SLC7A7: variants seen among roughly 807,000 people sequenced by gnomAD.
SLC7A7 encodes the protein Y+L amino acid transporter 1.
A neutral mutation model predicts 47.9 loss-of-function variants in SLC7A7; 39 were observed. That is an observed-to-expected ratio of 0.81 (90% CI 0.63 to 1.06). The LOEUF is 1.06. SLC7A7 is among the 50% of genes least tolerant of loss of function. SLC7A7 has a pLI of 0.00. For synonymous variants in SLC7A7, 234 were observed against 242.8 expected (o/e 0.96, Z 0.34); for missense variants, 588 against 632.0 (o/e 0.93, Z 0.75).
intron 2 of SLC7A7, among the ~76,000 whole-genome samples, chr14:22,800,436 C>T (rs2039092187): frequency 6.6e-6 from 1 of 152,172 alleles, no homozygotes; most frequent in Admixed American, 6.6e-5. Context: ...AATGCCTCTA[C>T]CTATAGAGTA....
intron 2 of SLC7A7, among the ~76,000 whole-genome samples, chr14:22,805,231 T>C (rs952372451): frequency 6.6e-6 from 1 of 152,032 alleles, no homozygotes; most frequent in African/African-American, 2.4e-5. Context: ...CCAGGTGTGG[T>C]GGTGGGCTCC....
chr14:22,808,805 T>C (rs1196445084), intron 2 of SLC7A7, among the ~76,000 whole-genome samples: 1 of 151,982 alleles, frequency 6.6e-6, no homozygotes, highest in Admixed American at 6.5e-5. Flanking sequence ...ATATTATCTA[T>C]GCAGTAATAT....
chr14:22,802,669 G>C (rs2039136482), intron 2 of SLC7A7, among the ~76,000 whole-genome samples: 1 of 152,046 alleles, frequency 6.6e-6, no homozygotes, highest in Admixed American at 6.6e-5. Flanking sequence ...CCGTAGTTCA[G>C]GTTTTTGTCA....
intron 2 of SLC7A7, among the ~76,000 whole-genome samples, chr14:22,801,267 C>T (rs1178897286): frequency 2.0e-5 from 3 of 152,156 alleles, no homozygotes; most frequent in Non-Finnish European, 4.4e-5. Flanking sequence ...ACCCTGAACT[C>T]CTTTCAGTGC....
At chr14:22,782,394 C>T (rs1309098739) in intron 2 of SLC7A7, among the ~76,000 whole-genome samples, 2 of 149,050 alleles carry the variant, frequency 1.3e-5, no homozygotes, top group South Asian at 2.1e-4. Flanking sequence ...TGAGCCACCG[C>T]GCCCGGCCTA....
At chr14:22,815,105 A>C (rs1442097608) in intron 1 of SLC7A7, 2 of 349,858 alleles carry the variant, frequency 5.7e-6, no homozygotes, top group African/African-American at 4.3e-5. Flanking sequence ...TATCACCCCG[A>C]GCCAAGGCAG....
At chr14:22,792,015 T>A (rs2038932540) in intron 2 of SLC7A7, among the ~76,000 whole-genome samples, 3 of 151,962 alleles carry the variant, frequency 2.0e-5, no homozygotes, top group Admixed American at 6.6e-5. Flanking sequence ...TTTTGTACTC[T>A]TAGTACAGAC....
At chr14:22,815,796 C>T (rs1340344697), upstream of SLC7A7, 1 of 409,864 alleles carries the variant, frequency 2.4e-6, no homozygotes, top group African/African-American at 2.0e-5. Context: ...TCTCTGTGTC[C>T]TCCATGCCCC....
intron 2 of SLC7A7, among the ~76,000 whole-genome samples, chr14:22,786,004 A>G (rs1363097613): frequency 1.4e-5 from 2 of 139,646 alleles, no homozygotes; most frequent in Non-Finnish European, 3.1e-5. Context: ...CCTGGGCCAC[A>G]GAGCGAGACT....
In SLC7A7 at chr14:22,813,005, G is replaced by A; in HGVS notation, c.394C>T (p.Gln132Ter). ...GCAAAGGTGATGGCAATGATGGCCT[G>A]GCTGGTGGGCTCAATGATGAGCAGG... ...TSLLIIEPTS[Q>*]AIIAITFANY... is the part of the protein sequence containing the mutation. The change falls in exon 2 of 10, where the codon CAG becomes TAG. Residue 132 changes from glutamine (Q) to a stop codon, truncating the protein, a stop_gained. Coordinates refer to ENST00000674313, the MANE Select transcript of SLC7A7 (RefSeq NM_003982.4). LOFTEE classifies it high-confidence loss of function. 6.2e-7 allele frequency: 1 copy of A among 1,614,026 alleles called. No homozygotes were observed. The highest frequency in any genetic ancestry group is 8.5e-7 in the Non-Finnish European group (1 of 1,180,016).
At chr14:22,814,950 C>T (rs759622274) in intron 1 of SLC7A7, 1 of 199,860 alleles carries the variant, frequency 5.0e-6, no homozygotes, top group Non-Finnish European at 1.0e-5. Context: ...TTCTAAGCCT[C>T]CTGCTATCGA....
At chr14:22,776,109 A>C in intron 5 of SLC7A7, 86 bp downstream of exon 5, 1 of 1,578,556 alleles carries the variant, frequency 6.3e-7, no homozygotes, top group Non-Finnish European at 8.7e-7. Flanking sequence ...AAGGCTGTCT[A>C]CCCCCTTTCC....
intron 2 of SLC7A7, among the ~76,000 whole-genome samples, chr14:22,788,353 T>C (rs2038857174): frequency 6.6e-6 from 1 of 152,200 alleles, no homozygotes; most frequent in African/African-American, 2.4e-5. Context: ...TATTCATAGT[T>C]ACACCCTTGC....
intron 2 of SLC7A7, among the ~76,000 whole-genome samples, chr14:22,785,846 C>G (rs1360488091): frequency 6.6e-6 from 1 of 150,766 alleles, no homozygotes; most frequent in East Asian, 2.0e-4. Context: ...CACGGTGAAA[C>G]CCCATCTCTA....
chr14:22,804,878 A>G (rs535617390), intron 2 of SLC7A7, among the ~76,000 whole-genome samples: 1 of 152,154 alleles, frequency 6.6e-6, no homozygotes, highest in Non-Finnish European at 1.5e-5. Flanking sequence ...GGGGGTGTGT[A>G]CGCCTGTTAT....
At chr14:22,774,786 T>C (rs2038563133) in intron 7 of SLC7A7, among the ~76,000 whole-genome samples, 1 of 152,122 alleles carries the variant, frequency 6.6e-6, no homozygotes, top group South Asian at 2.1e-4. Context: ...CCATAATGGC[T>C]CCAACCTACA....
At chr14:22,814,308 A>G (rs571206978) in intron 1 of SLC7A7, among the ~76,000 whole-genome samples, 2 of 151,324 alleles carry the variant, frequency 1.3e-5, no homozygotes, top group Non-Finnish European at 2.9e-5. Flanking sequence ...ACATTTAGAA[A>G]CCCAGTCTCT....
At chr14:22,784,754 A>G (rs1185552483) in intron 2 of SLC7A7, among the ~76,000 whole-genome samples, 1 of 152,208 alleles carries the variant, frequency 6.6e-6, no homozygotes, top group Non-Finnish European at 1.5e-5. Context: ...CGCTAGAACT[A>G]AAAGCCAGAA....
At chr14:22,789,196 T>C (rs1211121333) in intron 2 of SLC7A7, among the ~76,000 whole-genome samples, 1 of 152,200 alleles carries the variant, frequency 6.6e-6, no homozygotes, top group Non-Finnish European at 1.5e-5. Flanking sequence ...AGAGTGCTGC[T>C]CATCCACCTC....
Sources: gnomAD v4.1 joint callset for allele counts (sites outside exome capture counted in the v4.1 genomes callset) on GRCh38, gnomAD v4.1.1 for gene constraint, MANE v1.5 for transcripts, NCBI Gene and HGNC (gene_info 2026-07-23, HGNC 2026-07-21) for gene names.